The following RAB27A variants were observed in gnomAD, a reference collection of about 807,000 sequenced individuals.
RAB27A encodes ras-related protein Rab-27A.
Under a neutral mutation model 20.8 loss-of-function variants are expected in RAB27A, and 17 were observed. That is an observed-to-expected ratio of 0.82 (90% CI 0.56 to 1.23). The LOEUF (loss-of-function observed/expected upper bound fraction) is 1.23. Ranked by LOEUF, RAB27A falls within the 50% of genes most tolerant of loss-of-function variation. The pLI, the probability that RAB27A is intolerant of heterozygous loss-of-function variation, is 0.00. For synonymous variants in RAB27A, 85 were observed against 92.8 expected, an observed-to-expected ratio of 0.92 and a Z score of 0.48; for missense variants, 277 against 266.7, an observed-to-expected ratio of 1.04 and a Z score of -0.27.
intron 2 of RAB27A, among the ~76,000 whole-genome samples, chr15:55,313,135 G>A (rs1195012442): frequency 1.3e-5 from 2 of 152,152 alleles, no homozygotes; most frequent in African/African-American, 4.8e-5. Flanking sequence ...AAAAAATCTT[G>A]CCAAGCACAG....
chr15:55,288,993 C>T (rs772527182), intron 1 of RAB27A: 7 of 152,222 alleles, frequency 4.6e-5, no homozygotes, highest in Non-Finnish European at 1.0e-4. Context: ...GAAAGAACAG[C>T]TGTTAAGCTG....
intron 1 of RAB27A, among the ~76,000 whole-genome samples, chr15:55,274,035 T>C (rs897581961): frequency 1.3e-5 from 2 of 152,122 alleles, no homozygotes; most frequent in Non-Finnish European, 2.9e-5. Context: ...ACGATCGAAA[T>C]CATATTAATT....
intron 4 of RAB27A, 21 bp downstream of exon 4, chr15:55,230,380 A>G (rs1180570410): frequency 6.4e-7 from 1 of 1,567,562 alleles, no homozygotes; most frequent in Non-Finnish European, 8.8e-7. Flanking sequence ...AGTAAGGAGC[A>G]CATAACTGAA....
intron 2 of RAB27A, among the ~76,000 whole-genome samples, chr15:55,262,957 T>C (rs1352775003): frequency 1.3e-5 from 2 of 152,252 alleles, no homozygotes; most frequent in Non-Finnish European, 1.5e-5. Context: ...TCATCTATCC[T>C]AGTTTGCTAA....
intron 2 of RAB27A, among the ~76,000 whole-genome samples, chr15:55,268,718 G>A (rs1037168977): frequency 3.3e-5 from 5 of 152,168 alleles, no homozygotes; most frequent in Non-Finnish European, 7.3e-5. Flanking sequence ...TCCAGGCACT[G>A]GGCTTAACAA....
rs929020363 is a variant in RAB27A at position 55,243,420 on chromosome 15, C to T, written c.-22-8464G>A. On this transcript the variant is annotated intron_variant, in intron 2 of 6. Transcript: ENST00000336787. ...CTGTAATCCCAGCACTTTGGGAGGC[C>T]GAGGAGGGTGGATCACCTGAAGTAA... is the stretch of plus-strand genomic sequence containing the variant. Among the ~76,000 whole-genome samples, 31 of 151,272 alleles carry T rather than the reference C, an allele frequency of 2.0e-4. 1 individual carries two copies. The highest frequency in any genetic ancestry group is 7.2e-4 in the Admixed American group (11 of 15,200).
intron 2 of RAB27A, among the ~76,000 whole-genome samples, chr15:55,303,040 T>G: frequency 7.8e-6 from 1 of 127,658 alleles, no homozygotes. Flanking sequence ...AGGTGGGGGA[T>G]CAGCCCCCCC....
chr15:55,280,812 C>G (rs2141119776), intron 1 of RAB27A, among the ~76,000 whole-genome samples: 1 of 152,210 alleles, frequency 6.6e-6, no homozygotes, highest in Non-Finnish European at 1.5e-5. Context: ...CCAGCTTCAT[C>G]CATGTCCTTG....
intron 6 of RAB27A, chr15:55,206,249 A>T (rs1446174472): frequency 3.0e-6 from 2 of 655,966 alleles, no homozygotes; most frequent in Non-Finnish European, 1.9e-6. Flanking sequence ...CCATATATAT[A>T]TTTTGGCAAT....
chr15:55,306,206 C>T (rs1451180859), intron 2 of RAB27A, among the ~76,000 whole-genome samples: 1 of 152,070 alleles, frequency 6.6e-6, no homozygotes, highest in Non-Finnish European at 1.5e-5. Flanking sequence ...GGGTTATTTC[C>T]AGATTGGAAA....
chr15:55,253,094 T>C lies in RAB27A; in HGVS notation c.-23+17071A>G, dbSNP rs1403343815. Among the ~76,000 whole-genome samples, 141 of 135,940 alleles carry C rather than the reference T, an allele frequency of 1.0e-3. No homozygotes were observed. The Middle Eastern group carries it at 0.031, about 30-fold the overall frequency. The allele number at this position is 135,940 out of a possible 152,430, so 89.2% of individuals were successfully genotyped here. On this transcript the variant is annotated intron_variant, in intron 2 of 6. Coordinates refer to ENST00000336787, the MANE Select transcript of RAB27A (RefSeq NM_183235.3). Reference sequence around the variant, plus strand: ...TTGCAGTGAGCCAAGATCGTGCCACTGCACTCCAGCCTGGGTGACAGAGCA... The same window carrying C: ...TTGCAGTGAGCCAAGATCGTGCCACCGCACTCCAGCCTGGGTGACAGAGCA...
At chr15:55,237,138 T>A (rs960260196) in intron 2 of RAB27A, among the ~76,000 whole-genome samples, 4 of 152,220 alleles carry the variant, frequency 2.6e-5, no homozygotes, top group Non-Finnish European at 4.4e-5. Flanking sequence ...TGGATGCTAC[T>A]GACTCCCGGC....
intron 6 of RAB27A, among the ~76,000 whole-genome samples, chr15:55,214,275 A>T (rs1035347165): frequency 6.6e-6 from 1 of 152,216 alleles, no homozygotes; most frequent in Non-Finnish European, 1.5e-5. Context: ...TCTCTACTAA[A>T]AATACAAAAA....
At chr15:55,208,035 G>C (rs533225410) in intron 6 of RAB27A, among the ~76,000 whole-genome samples, 4 of 152,196 alleles carry the variant, frequency 2.6e-5, no homozygotes. Flanking sequence ...CAGCCCTAGA[G>C]AAGCTCTCAC....
chr15:55,260,414 C>G lies in RAB27A; in HGVS notation c.-23+9751G>C, dbSNP rs541724507. On this transcript the variant is annotated intron_variant, in intron 2 of 6. Transcript: ENST00000336787. ...CAAAGCTAAACTTACTCTTACCGTA[C>G]AATCCAATCACATTCTTTGGTATTT... Among the ~76,000 whole-genome samples the G allele has an allele frequency of 9.2e-5, 14 of 152,300 alleles. No individual in the cohort carries two copies. The East Asian group carries it at 2.3e-3, about 25-fold the overall frequency.
chr15:55,239,440 G>T (rs1194098312), intron 2 of RAB27A, among the ~76,000 whole-genome samples: 1 of 152,114 alleles, frequency 6.6e-6, no homozygotes, highest in Non-Finnish European at 1.5e-5. Context: ...CTCATTTGTA[G>T]ATATTCTGTA....
At position 55,250,586 on chromosome 15, in the gene RAB27A, A is replaced by T. The variant is rs554434242; in HGVS notation, c.-22-15630T>A. Among the ~76,000 whole-genome samples, 8 of 152,370 alleles carry T rather than the reference A, an allele frequency of 5.3e-5. No homozygotes were observed. The East Asian group carries it at 1.3e-3, about 26-fold the overall frequency. On this transcript the variant is annotated intron_variant, in intron 2 of 6. Coordinates refer to ENST00000336787, the MANE Select transcript of RAB27A (RefSeq NM_183235.3). ...CATGTTTCAGCAGATGTTTGCTTTC[A>T]TCCTGTTACAACAGTCAATTGAGCA...
chr15:55,267,021 G>A (rs1897515372), intron 2 of RAB27A, among the ~76,000 whole-genome samples: 1 of 152,196 alleles, frequency 6.6e-6, no homozygotes, highest in Non-Finnish European at 1.5e-5. Flanking sequence ...GTAAGGAGCA[G>A]CAAGACAGAT....
chr15:55,233,872 A>T (rs1896145371), intron 3 of RAB27A, among the ~76,000 whole-genome samples: 2 of 152,204 alleles, frequency 1.3e-5, no homozygotes, highest in South Asian at 4.1e-4. Context: ...ATAATCACAT[A>T]CATATATGTA....
Sources: gnomAD v4.1 joint callset for allele counts (sites outside exome capture counted in the v4.1 genomes callset) on GRCh38, gnomAD v4.1.1 for gene constraint, MANE v1.5 for transcripts, NCBI Gene and HGNC (gene_info 2026-07-23, HGNC 2026-07-21) for gene names.